Variants in CDK14 observed in about 807,000 individuals in gnomAD.
CDK14 encodes the protein cyclin-dependent kinase 14.
Under a neutral mutation model 60.7 loss-of-function variants are expected in CDK14, and 34 were observed. The ratio of observed to expected loss-of-function variants is 0.56; its 90% CI spans 0.43 to 0.75. The LOEUF (loss-of-function observed/expected upper bound fraction) is 0.75, where lower values mean the gene tolerates loss of function less well. Ranked by LOEUF, CDK14 falls within the 30% of genes least tolerant of loss-of-function variation. CDK14 has a pLI of 0.00. For missense variants in CDK14, 482 were observed against 564.1 expected, an observed-to-expected ratio of 0.85 and a Z score of 1.47; for synonymous variants, 197 against 203.7, an observed-to-expected ratio of 0.97 and a Z score of 0.28.
At chr7:90,964,890 T>G (rs988865658) in intron 9 of CDK14, among the ~76,000 whole-genome samples, 1 of 152,210 alleles carries the variant, frequency 6.6e-6, no homozygotes. Flanking sequence ...TATAACCTTT[T>G]GCTTTTCCTG....
chr7:90,928,896 G>A (rs1793504525), intron 8 of CDK14, among the ~76,000 whole-genome samples: 1 of 152,180 alleles, frequency 6.6e-6, no homozygotes. Flanking sequence ...TGGCTGCTTT[G>A]TTTACCTACT....
intron 1 of CDK14, among the ~76,000 whole-genome samples, chr7:90,601,947 TA>T (rs1799324762): frequency 1.3e-5 from 2 of 151,750 alleles, no homozygotes; most frequent in African/African-American, 2.4e-5. Flanking sequence ...TGTATGTATG[TA>T]TGTATGTATG....
chr7:91,022,158 A>G (rs918728714), intron 10 of CDK14, among the ~76,000 whole-genome samples: 1 of 152,212 alleles, frequency 6.6e-6, no homozygotes, highest in South Asian at 2.1e-4. Context: ...GACTGTGTGT[A>G]GAATCACTTC....
chr7:90,939,213 TA>T lies in CDK14; in HGVS notation c.827-16481del, dbSNP rs1165392487. On this transcript the variant is annotated intron_variant, in intron 8 of 14. Coordinates refer to ENST00000380050, the MANE Select transcript of CDK14 (RefSeq NM_001287135.2). ...TCAAATAAAGCTTTATTGGAGAAGA[TA>T]AAGGTATTAAGGACAAGTTATTTGG... Among the ~76,000 whole-genome samples the T allele has an allele frequency of 4.6e-5, 7 of 152,298 alleles. No individual in the cohort carries two copies. In the East Asian group the frequency reaches 1.2e-3, roughly 25 times the overall value.
At chr7:91,105,606 C>G (rs548021632) in intron 12 of CDK14, among the ~76,000 whole-genome samples, 3 of 152,254 alleles carry the variant, frequency 2.0e-5, no homozygotes, top group Admixed American at 2.0e-4. Context: ...CATTCTCAAT[C>G]CAGGCCTCTC....
intron 6 of CDK14, among the ~76,000 whole-genome samples, chr7:90,894,106 G>GTCA (rs1056388121): frequency 2.6e-5 from 4 of 151,914 alleles, no homozygotes; most frequent in Admixed American, 6.6e-5. Flanking sequence ...GAAAATCACC[G>GTCA]TCATCATCAT....
At chr7:90,635,863 T>C (rs1161844377) in intron 2 of CDK14, among the ~76,000 whole-genome samples, 1 of 151,908 alleles carries the variant, frequency 6.6e-6, no homozygotes, top group Non-Finnish European at 1.5e-5. Context: ...CCTTGTAAGT[T>C]GGATTCCTAG....
chr7:91,131,085 GT>G (rs746418453), intron 14 of CDK14, among the ~76,000 whole-genome samples: 1 of 150,768 alleles, frequency 6.6e-6, no homozygotes, highest in Non-Finnish European at 1.5e-5. Flanking sequence ...GTGTTCTTTA[GT>G]TTTTTATTTT....
intron 2 of CDK14, among the ~76,000 whole-genome samples, chr7:90,631,028 G>C (rs1360644511): frequency 1.3e-5 from 2 of 151,894 alleles, no homozygotes. Flanking sequence ...TACCATCTCT[G>C]TATATTACAA....
At chr7:91,112,494 T>A (rs951412418) in intron 12 of CDK14, 48 bp from the exon 13 acceptor site, 6 of 1,568,054 alleles carry the variant, frequency 3.8e-6, no homozygotes, top group Non-Finnish European at 5.2e-6. Flanking sequence ...TCTTATTTAG[T>A]GGATTTTCTT....
intron 11 of CDK14, among the ~76,000 whole-genome samples, chr7:91,046,455 A>G (rs1211509044): frequency 6.6e-6 from 1 of 152,194 alleles, no homozygotes; most frequent in Non-Finnish European, 1.5e-5. Flanking sequence ...GTTTTCATGT[A>G]AAATATTTAA....
chr7:91,113,725 C>CAGG (rs1799535064), intron 13 of CDK14, among the ~76,000 whole-genome samples: 1 of 152,154 alleles, frequency 6.6e-6, no homozygotes, highest in African/African-American at 2.4e-5. Context: ...TTTCATCCAT[C>CAGG]ATAATATTGG....
intron 2 of CDK14, among the ~76,000 whole-genome samples, chr7:90,689,247 AAG>A (rs752621103): frequency 7.2e-5 from 11 of 152,182 alleles, no homozygotes; most frequent in Non-Finnish European, 1.2e-4. Flanking sequence ...GAGCCATAGA[AAG>A]AAGATAATGG....
intron 11 of CDK14, among the ~76,000 whole-genome samples, chr7:91,069,099 A>G (rs1420072752): frequency 6.6e-6 from 1 of 152,244 alleles, no homozygotes; most frequent in African/African-American, 2.4e-5. Context: ...GAATGAATAA[A>G]TAATTGCATA....
At chr7:90,663,787 G>A (rs760292445) in intron 2 of CDK14, among the ~76,000 whole-genome samples, 2 of 152,088 alleles carry the variant, frequency 1.3e-5, no homozygotes, top group Non-Finnish European at 2.9e-5. Context: ...AAAATACTGA[G>A]TTTTCAGTGA....
At chr7:90,673,608 A>G (rs1166289598) in intron 2 of CDK14, among the ~76,000 whole-genome samples, 2 of 152,236 alleles carry the variant, frequency 1.3e-5, no homozygotes, top group Non-Finnish European at 2.9e-5. Flanking sequence ...GACACAATAG[A>G]TGGTGCTTGT....
intron 14 of CDK14, among the ~76,000 whole-genome samples, chr7:91,145,444 A>G (rs1407724290): frequency 1.3e-5 from 2 of 152,220 alleles, no homozygotes; most frequent in African/African-American, 2.4e-5. Context: ...AAAAATTTTA[A>G]TTACCTCAAA....
chr7:91,095,379 G>T (rs1347855351), intron 12 of CDK14, among the ~76,000 whole-genome samples: 4 of 152,234 alleles, frequency 2.6e-5, no homozygotes, highest in African/African-American at 9.6e-5. Context: ...GCAGAGGCCA[G>T]CCAAGGAATG....
At chr7:91,107,982 A>T (rs1198909524) in intron 12 of CDK14, among the ~76,000 whole-genome samples, 1 of 152,188 alleles carries the variant, frequency 6.6e-6, no homozygotes, top group Non-Finnish European at 1.5e-5. Flanking sequence ...CTGTATTTGG[A>T]TTATGATCAG....
Sources: allele counts gnomAD v4.1 joint callset (sites outside exome capture counted in the v4.1 genomes callset), GRCh38; gene constraint gnomAD v4.1.1; transcripts MANE v1.5; gene names NCBI Gene and HGNC (gene_info 2026-07-23, HGNC 2026-07-21).